COG5: variants seen among roughly 807,000 people sequenced by gnomAD.
COG5 encodes component of oligomeric golgi complex 5.
Under a neutral mutation model 110.4 loss-of-function variants are expected in COG5, and 86 were observed. The ratio of observed to expected loss-of-function variants is 0.78; its 90% CI spans 0.65 to 0.93. The LOEUF (loss-of-function observed/expected upper bound fraction) is 0.93, where lower values mean the gene tolerates loss of function less well. Ranked by LOEUF, COG5 falls within the 40% of genes least tolerant of loss-of-function variation. The probability of loss-of-function intolerance (pLI) is 0.00; values close to 1 mark genes in which losing one functional copy is unlikely to be tolerated. For synonymous variants in COG5, 360 were observed against 334.6 expected (o/e 1.08, Z -0.83); for missense variants, 1,077 against 987.0 (o/e 1.09, Z -1.22).
intron 11 of COG5, among the ~76,000 whole-genome samples, chr7:107,318,845 G>A (rs541557522): frequency 6.6e-6 from 1 of 152,336 alleles, no homozygotes; most frequent in East Asian, 1.9e-4. Flanking sequence ...GGGCTTCAGT[G>A]TATGAATTGG....
At chr7:107,460,468 C>T (rs1795921294) in intron 6 of COG5, among the ~76,000 whole-genome samples, 1 of 151,610 alleles carries the variant, frequency 6.6e-6, no homozygotes, top group Non-Finnish European at 1.5e-5. Flanking sequence ...AATTAGAAAG[C>T]ATACTGAACT....
chr7:107,215,663 T>TCAAACAAACAAA (rs1018123941), intron 19 of COG5, among the ~76,000 whole-genome samples: 6 of 151,630 alleles, frequency 4.0e-5, no homozygotes, highest in African/African-American at 1.5e-4. Context: ...AGACTCCGTC[T>TCAAACAAACAAA]CAAACAAACA....
Position 107,510,094 on chromosome 7 carries a change from C to G in COG5, c.538+17143G>C, listed in dbSNP as rs1259305241. On this transcript the variant is annotated intron_variant, in intron 6 of 21. Transcript: ENST00000297135. ...TGGGCTAAATGCTCCAATTAAAAGA[C>G]ACAGACTGACAAACTGGATAGAGTC... is the stretch of plus-strand genomic sequence containing the variant. Among the ~76,000 whole-genome samples the G allele has an allele frequency of 5.1e-5, 7 of 137,768 alleles. No homozygotes were observed. The East Asian group carries it at 1.6e-3, about 31-fold the overall frequency. The allele number at this position is 137,768 out of a possible 152,430, so 90.4% of individuals were successfully genotyped here. A position where few individuals can be genotyped will look rare whatever the true frequency, so the allele number is the denominator to read the frequency against.
At chr7:107,468,944 A>G (rs1796464817) in intron 6 of COG5, among the ~76,000 whole-genome samples, 1 of 151,576 alleles carries the variant, frequency 6.6e-6, no homozygotes, top group Non-Finnish European at 1.5e-5. Context: ...ACAGGAACTT[A>G]TTTATAGGTA....
At position 107,327,937 on chromosome 7, in the gene COG5, T is replaced by C. The variant is rs114544829; in HGVS notation, c.1027-3416A>G. 5.5e-3 allele frequency among the ~76,000 whole-genome samples: 833 copies of C among 152,304 alleles called. 9 individuals carry two copies. The highest frequency in any genetic ancestry group is 0.019 in the African/African-American group (810 of 41,572). ...GATCCAGCAATTCCACTTCTGGGTATATAAGTAAAAGAGCTGAAAGCAGGA... is the reference window on the plus strand; with the variant it reads ...GATCCAGCAATTCCACTTCTGGGTACATAAGTAAAAGAGCTGAAAGCAGGA... On this transcript the variant is annotated intron_variant, in intron 10 of 21. Coordinates refer to ENST00000297135, the MANE Select transcript of COG5 (RefSeq NM_006348.5).
intron 10 of COG5, among the ~76,000 whole-genome samples, chr7:107,348,299 G>C (rs2129039846): frequency 6.6e-6 from 1 of 151,934 alleles, no homozygotes; most frequent in Admixed American, 6.6e-5. Flanking sequence ...CCCTAAACTG[G>C]TCTTGTTACA....
chr7:107,323,162 A>G (rs1809451042), intron 11 of COG5, among the ~76,000 whole-genome samples: 1 of 152,244 alleles, frequency 6.6e-6, no homozygotes, highest in African/African-American at 2.4e-5. Context: ...ATCTCAATAA[A>G]GCTGAGCAAA....
At chr7:107,228,772 C>T (rs1045928319) in intron 19 of COG5, among the ~76,000 whole-genome samples, 1 of 145,872 alleles carries the variant, frequency 6.9e-6, no homozygotes, top group Non-Finnish European at 1.5e-5. Context: ...TCTTGTGTTG[C>T]CATTAAAAAA....
chr7:107,481,861 T>A (rs1421151327), intron 6 of COG5, among the ~76,000 whole-genome samples: 1 of 152,206 alleles, frequency 6.6e-6, no homozygotes, highest in Non-Finnish European at 1.5e-5. Flanking sequence ...TAATGTACTT[T>A]CGCACTACTT....
chr7:107,452,170 T>C (rs537485301), intron 6 of COG5, among the ~76,000 whole-genome samples: 1 of 152,302 alleles, frequency 6.6e-6, no homozygotes, highest in East Asian at 1.9e-4. Context: ...CCATGAACTC[T>C]TGCCTGGCAT....
At chr7:107,551,807 G>A (rs1802909634) in intron 3 of COG5, among the ~76,000 whole-genome samples, 1 of 152,130 alleles carries the variant, frequency 6.6e-6, no homozygotes, top group African/African-American at 2.4e-5. Flanking sequence ...TATAGAGATA[G>A]AGTCTCATTA....
chr7:107,557,695 T>C (rs1172599888), intron 2 of COG5, among the ~76,000 whole-genome samples: 1 of 152,234 alleles, frequency 6.6e-6, no homozygotes, highest in South Asian at 2.1e-4. Flanking sequence ...ATTATCTTTA[T>C]CGAACACATC....
At chr7:107,404,859 A>C (rs1376760516) in intron 7 of COG5, among the ~76,000 whole-genome samples, 1 of 146,020 alleles carries the variant, frequency 6.8e-6, no homozygotes, top group Non-Finnish European at 1.5e-5. Flanking sequence ...AAGTAAAGAG[A>C]GCGTAAAACA....
chr7:107,497,180 C>T (rs1798333595), intron 6 of COG5, among the ~76,000 whole-genome samples: 1 of 152,176 alleles, frequency 6.6e-6, no homozygotes, highest in Non-Finnish European at 1.5e-5. Context: ...ACTGCCACTG[C>T]ACTCCAGCTT....
At chr7:107,335,272 C>T (rs970236517) in intron 10 of COG5, among the ~76,000 whole-genome samples, 3 of 152,134 alleles carry the variant, frequency 2.0e-5, no homozygotes, top group East Asian at 1.9e-4. Flanking sequence ...CACCTGTAAT[C>T]CCAGCTACTC....
intron 6 of COG5, among the ~76,000 whole-genome samples, chr7:107,486,296 C>A (rs1797652912): frequency 6.6e-6 from 1 of 151,976 alleles, no homozygotes; most frequent in Non-Finnish European, 1.5e-5. Flanking sequence ...AAGTCAGAGG[C>A]TAGCAATCTC....
intron 2 of COG5, among the ~76,000 whole-genome samples, chr7:107,555,229 A>G (rs1803220198): frequency 6.6e-6 from 1 of 152,214 alleles, no homozygotes; most frequent in African/African-American, 2.4e-5. Flanking sequence ...GAACAAAAAA[A>G]CCAAGGTTAC....
chr7:107,231,763 G>A (rs979882021), intron 18 of COG5, among the ~76,000 whole-genome samples: 44 of 152,214 alleles, frequency 2.9e-4, no homozygotes, highest in Admixed American at 2.5e-3. Flanking sequence ...CTTAGTGCTA[G>A]GTACCAAGCT....
At chr7:107,299,857 A>C (rs1562958236) in intron 11 of COG5, among the ~76,000 whole-genome samples, 1 of 126,980 alleles carries the variant, frequency 7.9e-6, no homozygotes, top group Non-Finnish European at 1.7e-5. Context: ...ATATATATAT[A>C]TCTGGAATTA....
Sources: allele counts gnomAD v4.1 joint callset (sites outside exome capture counted in the v4.1 genomes callset), GRCh38; gene constraint gnomAD v4.1.1; transcripts MANE v1.5; gene names NCBI Gene and HGNC (gene_info 2026-07-23, HGNC 2026-07-21).